Variants in BATF observed in about 807,000 individuals in gnomAD.
BATF encodes the protein basic leucine zipper ATF-like transcription factor, also known as basic leucine zipper transcriptional factor ATF-like.
A neutral mutation model predicts 13.7 loss-of-function variants in BATF; 5 were observed. The ratio of observed to expected loss-of-function variants is 0.36; its 90% CI spans 0.19 to 0.77. The LOEUF is 0.77. BATF is among the 30% of genes least tolerant of loss of function. The probability of loss-of-function intolerance (pLI) is 0.51; values close to 1 mark genes in which losing one functional copy is unlikely to be tolerated. For missense variants in BATF, 124 were observed against 163.0 expected (o/e 0.76, Z 1.30); for synonymous variants, 72 against 67.5 (o/e 1.07, Z -0.33).
intron 1 of BATF, 76 bp from the exon 2 acceptor site, chr14:75,525,008 C>A: frequency 1.6e-6 from 2 of 1,269,810 alleles, no homozygotes; most frequent in East Asian, 2.5e-5. Flanking sequence ...GGACGGATAC[C>A]ACACACCACC....
rs187206102 is a variant in BATF, at chr14:75,522,538, G to A, written c.-145G>A. 3.7e-5 allele frequency: 29 copies of A among 781,408 alleles called. No individual in the cohort carries two copies. The highest frequency in any genetic ancestry group is 3.6e-4 in the Admixed American group (17 of 47,248). The allele number at this position is 781,408 out of a possible 1,614,324, so 48.4% of individuals were successfully genotyped here. ...CAGAGTGAGGAGGACGCAGGGGTCA[G>A]AGGTGGCTACAGGGCAGGCAGAGGA... On this transcript the variant is annotated 5_prime_UTR_variant, in exon 1 of 3. Coordinates refer to ENST00000286639, the MANE Select transcript of BATF (RefSeq NM_006399.5).
At chr14:75,539,523 A>C (rs1002055997) in intron 2 of BATF, among the ~76,000 whole-genome samples, 1 of 144,984 alleles carries the variant, frequency 6.9e-6, no homozygotes, top group African/African-American at 2.6e-5. Context: ...TGAATGAACC[A>C]AACTATAGTT....
chr14:75,526,404 T>G (rs1268335821), intron 2 of BATF, among the ~76,000 whole-genome samples: 2 of 152,218 alleles, frequency 1.3e-5, no homozygotes, highest in Non-Finnish European at 2.9e-5. Flanking sequence ...AAAGTGCAAT[T>G]GGCACCAAAA....
intron 2 of BATF, among the ~76,000 whole-genome samples, chr14:75,538,329 A>G (rs1261911017): frequency 2.0e-5 from 3 of 152,146 alleles, no homozygotes; most frequent in African/African-American, 7.2e-5. Context: ...AGCATTTTTA[A>G]AGTCTTGATG....
At chr14:75,544,814 T>TTTTG (rs60348939) in intron 2 of BATF, among the ~76,000 whole-genome samples, 1 of 139,068 alleles carries the variant, frequency 7.2e-6, no homozygotes, top group Non-Finnish European at 1.5e-5. Context: ...TTTTTTTTTT[T>TTTTG]GCATCTCCAA....
intron 2 of BATF, among the ~76,000 whole-genome samples, chr14:75,544,854 A>G (rs574058999): frequency 7.4e-4 from 108 of 145,508 alleles, no homozygotes; most frequent in Non-Finnish European, 1.2e-3. Context: ...GTGGTTACCA[A>G]TGCTTAGCAG....
intron 2 of BATF, among the ~76,000 whole-genome samples, chr14:75,529,362 G>A (rs575287792): frequency 3.0e-3 from 453 of 152,254 alleles, no homozygotes; most frequent in Admixed American, 6.3e-3. Flanking sequence ...GGCTGGGCAC[G>A]GTGGCTCACG....
intron 2 of BATF, among the ~76,000 whole-genome samples, chr14:75,539,424 ATTTTTTT>A (rs1162218076): frequency 3.6e-4 from 21 of 58,552 alleles, no homozygotes; most frequent in East Asian, 1.4e-3. Flanking sequence ...GTAAGCTGGA[ATTTTTTT>A]TTTTTTTTTT....
chr14:75,541,966 C>G (rs1247478220), intron 2 of BATF, among the ~76,000 whole-genome samples: 3 of 151,990 alleles, frequency 2.0e-5, no homozygotes, highest in Non-Finnish European at 4.4e-5. Context: ...ACCTGGCCAA[C>G]TTTCTAGTGT....
intron 2 of BATF, among the ~76,000 whole-genome samples, chr14:75,528,494 A>C (rs1459731813): frequency 1.3e-5 from 2 of 152,212 alleles, no homozygotes; most frequent in African/African-American, 4.8e-5. Flanking sequence ...TGATTGTGTT[A>C]TAAATCCCTG....
chr14:75,539,112 C>T (rs1471338312), intron 2 of BATF, among the ~76,000 whole-genome samples: 1 of 152,226 alleles, frequency 6.6e-6, no homozygotes, highest in East Asian at 1.9e-4. Flanking sequence ...GCCTACTTTT[C>T]TCATGTAACA....
At position 75,546,521 on chromosome 14, in the gene BATF, A is replaced by G. The variant is rs2228234; in HGVS notation, c.228A>G (p.Thr76=). The G allele has an allele frequency of 9.8e-3, 15,746 of 1,614,146 alleles. 993 individuals carry two copies. In the African/African-American group the frequency reaches 0.15, roughly 16 times the overall value. ...TACGCAAGGAGATCAAGCAGCTCAC[A>G]GAGGAACTGAAGTACTTCACGTCGG... ...AALRKEIKQL[T]EELKYFTSVL... The change falls in exon 3 of 3, where the codon ACA becomes ACG. Residue 76 remains threonine (T), a synonymous_variant. Transcript: ENST00000286639.
chr14:75,544,562 CAAA>C (rs67545560), intron 2 of BATF, among the ~76,000 whole-genome samples: 1,579 of 32,942 alleles, frequency 0.048, 61 homozygotes, highest in African/African-American at 0.15. Context: ...GAGACTGTCT[CAAA>C]AAAAAAAAAA....
intron 2 of BATF, among the ~76,000 whole-genome samples, chr14:75,533,105 G>A (rs138157452): frequency 1.2e-3 from 184 of 152,144 alleles, no homozygotes; most frequent in African/African-American, 3.9e-3. Flanking sequence ...ATGACGGGTC[G>A]GCATGGCTAA....
At chr14:75,529,711 A>G (rs1408179587) in intron 2 of BATF, among the ~76,000 whole-genome samples, 2 of 152,214 alleles carry the variant, frequency 1.3e-5, no homozygotes, top group African/African-American at 2.4e-5. Flanking sequence ...CAAAAAAGGT[A>G]TGTTTACTTA....
At chr14:75,523,364 T>A (rs1887604551) in intron 1 of BATF, among the ~76,000 whole-genome samples, 1 of 152,136 alleles carries the variant, frequency 6.6e-6, no homozygotes, top group South Asian at 2.1e-4. Context: ...ATCTCTTTGC[T>A]TGTGGCTTCT....
chr14:75,537,335 G>C (rs1303463940), intron 2 of BATF, among the ~76,000 whole-genome samples: 1 of 152,204 alleles, frequency 6.6e-6, no homozygotes, highest in African/African-American at 2.4e-5. Flanking sequence ...AAGTGTTTGA[G>C]TGGTGGTTAA....
intron 2 of BATF, among the ~76,000 whole-genome samples, chr14:75,536,322 T>C (rs532426657): frequency 2.0e-5 from 3 of 152,192 alleles, no homozygotes; most frequent in African/African-American, 7.2e-5. Context: ...GATCTCAGCC[T>C]AGAGAGCCTT....
At chr14:75,523,568 A>T (rs1887608760) in intron 1 of BATF, among the ~76,000 whole-genome samples, 1 of 152,148 alleles carries the variant, frequency 6.6e-6, no homozygotes, top group African/African-American at 2.4e-5. Context: ...TGCCCTGCCC[A>T]TCTCACAGCT....
Sources: allele counts gnomAD v4.1 joint callset (sites outside exome capture counted in the v4.1 genomes callset), GRCh38; gene constraint gnomAD v4.1.1; transcripts MANE v1.5; gene names NCBI Gene and HGNC (gene_info 2026-07-23, HGNC 2026-07-21).